The following ATRNL1 variants were observed in gnomAD, a reference collection of about 807,000 sequenced individuals.
The protein encoded by ATRNL1 is attractin-like protein 1.
In ATRNL1, 95 loss-of-function variants were observed where a neutral mutation model predicts 182.7. The ratio of observed to expected loss-of-function variants is 0.52; its 90% CI spans 0.44 to 0.62. The LOEUF is 0.62. ATRNL1 is among the 20% of genes least tolerant of loss of function. The pLI is 0.00. For missense variants in ATRNL1, 1,471 were observed against 1,679.5 expected, an observed-to-expected ratio of 0.88 and a Z score of 2.17; for synonymous variants, 576 against 568.3, an observed-to-expected ratio of 1.01 and a Z score of -0.19.
At chr10:115,350,383 CTTCTAGTGGT>C (rs1856191523) in intron 19 of ATRNL1, among the ~76,000 whole-genome samples, 1 of 125,408 alleles carries the variant, frequency 8.0e-6, no homozygotes, top group Non-Finnish European at 1.7e-5. Context: ...TCAATGTTTT[CTTCTAGTGGT>C]TTCAAAGTTT....
chr10:115,363,920 A>G (rs1423322946), intron 19 of ATRNL1, among the ~76,000 whole-genome samples: 10 of 151,676 alleles, frequency 6.6e-5, no homozygotes, highest in African/African-American at 2.4e-4. Flanking sequence ...TGGTTACTGT[A>G]GCCTTGTAGT....
intron 24 of ATRNL1, among the ~76,000 whole-genome samples, chr10:115,481,664 A>T (rs1554974220): frequency 6.6e-6 from 1 of 150,840 alleles, no homozygotes; most frequent in East Asian, 1.9e-4. Flanking sequence ...ATTAAGGCTG[A>T]ACATTTTTCT....
At chr10:115,214,695 G>T (rs1278916607) in intron 8 of ATRNL1, among the ~76,000 whole-genome samples, 1 of 152,032 alleles carries the variant, frequency 6.6e-6, no homozygotes, top group Non-Finnish European at 1.5e-5. Context: ...ACAAATGACA[G>T]ATTTTTATAT....
chr10:115,935,684 C>G (rs1953535429), intron 28 of ATRNL1, among the ~76,000 whole-genome samples: 1 of 152,014 alleles, frequency 6.6e-6, no homozygotes, highest in Non-Finnish European at 1.5e-5. Flanking sequence ...GCTTCCTGAC[C>G]CACTTCAACA....
At chr10:115,662,486 C>T (rs1408069071) in intron 26 of ATRNL1, among the ~76,000 whole-genome samples, 2 of 152,042 alleles carry the variant, frequency 1.3e-5, no homozygotes, top group African/African-American at 4.8e-5. Flanking sequence ...TAAATTTTAT[C>T]TAATTATGTT....
At chr10:115,792,577 C>G (rs1555081991) in intron 27 of ATRNL1, among the ~76,000 whole-genome samples, 1 of 151,972 alleles carries the variant, frequency 6.6e-6, no homozygotes, top group Non-Finnish European at 1.5e-5. Context: ...AGTGTTCTGC[C>G]TTTTCTCTAC....
intron 9 of ATRNL1, among the ~76,000 whole-genome samples, chr10:115,237,262 T>C (rs965893603): frequency 3.7e-4 from 57 of 152,220 alleles, no homozygotes; most frequent in Admixed American, 3.6e-3. Context: ...GTGACCACCA[T>C]GGAGTGCAAT....
chr10:115,396,823 T>G (rs1337534578), intron 20 of ATRNL1, among the ~76,000 whole-genome samples: 1 of 151,958 alleles, frequency 6.6e-6, no homozygotes, highest in Non-Finnish European at 1.5e-5. Flanking sequence ...GAATTTTAAT[T>G]CATTGAAATA....
chr10:115,479,783 G>A (rs1001420749), intron 24 of ATRNL1, among the ~76,000 whole-genome samples: 8 of 151,188 alleles, frequency 5.3e-5, no homozygotes, highest in African/African-American at 1.9e-4. Context: ...ATTAAATCTT[G>A]ATAATAAAAA....
intron 10 of ATRNL1, among the ~76,000 whole-genome samples, chr10:115,258,876 C>T (rs1851273936): frequency 6.6e-6 from 1 of 152,210 alleles, no homozygotes; most frequent in Non-Finnish European, 1.5e-5. Context: ...TCAGGTCCCT[C>T]AGCTGCAAGT....
At chr10:115,509,833 G>T (rs1170633858) in intron 24 of ATRNL1, among the ~76,000 whole-genome samples, 1 of 151,944 alleles carries the variant, frequency 6.6e-6, no homozygotes, top group East Asian at 1.9e-4. Context: ...GCTGACATAG[G>T]TGATGATTCC....
At chr10:115,386,096 G>A (rs1211059203) in intron 19 of ATRNL1, among the ~76,000 whole-genome samples, 2 of 151,894 alleles carry the variant, frequency 1.3e-5, no homozygotes, top group African/African-American at 2.4e-5. Context: ...AAAAATAGCC[G>A]GCTGGAATTG....
At position 115,709,954 on chromosome 10, in the gene ATRNL1, G is replaced by A. The variant is rs113995233; in HGVS notation, c.3796-17294G>A. Among the ~76,000 whole-genome samples, 1,063 of 152,070 alleles carry A rather than the reference G, an allele frequency of 7.0e-3. 8 individuals carry two copies. Among genetic ancestry groups the A allele is most frequent in the African/African-American group, 0.024 (977 of 41,514 alleles). On this transcript the variant is annotated intron_variant, in intron 26 of 28. Transcript: ENST00000355044. ...CTGCTATTATAAGTTAACATTTTAT[G>A]CTTTAAATCTCAATTTTCTAAGTAG...
chr10:115,121,871 A>G lies in ATRNL1; in HGVS notation c.491+59A>G, dbSNP rs574708435. 67 of 758,378 alleles carry G rather than the reference A, an allele frequency of 8.8e-5. No individual in the cohort carries two copies. In the East Asian group the frequency reaches 1.8e-3, roughly 20 times the overall value. The allele number at this position is 758,378 out of a possible 1,614,324, so 47.0% of individuals were successfully genotyped here. ...TGACTGTGTAATTGCTTCTTTAAAT[A>G]TATATTGATATGTACTGCAAAATAA... On this transcript the variant is annotated intron_variant, in intron 3 of 28. Coordinates refer to ENST00000355044, the MANE Select transcript of ATRNL1 (RefSeq NM_207303.4).
At chr10:115,630,611 C>G (rs1276681684) in intron 26 of ATRNL1, among the ~76,000 whole-genome samples, 1 of 149,966 alleles carries the variant, frequency 6.7e-6, no homozygotes, top group Admixed American at 6.7e-5. Context: ...ACCCATTTGT[C>G]CATTGATAGA....
chr10:115,469,226 A>T lies in ATRNL1; in HGVS notation c.3551A>T (p.Glu1184Val). Residue 1184 changes from glutamate to valine, a missense_variant, in exon 24 of 29, where the codon GAA (glutamate) becomes GTA (valine). This residue lies in a region of ATRNL1 where 437 missense variants were observed against 506.0 expected (regional missense o/e 0.86). Coordinates refer to ENST00000355044, the MANE Select transcript of ATRNL1 (RefSeq NM_207303.4). ...ATAGTTTCCAAGAATAATATAAAGG[A>T]ATACAGAGATAGTTTTTCCTATGAA... is the stretch of plus-strand genomic sequence containing the variant. ...TSIVSKNNIK[E>V]YRDSFSYEKF... 1 of 1,468,572 alleles carries T rather than the reference A, an allele frequency of 6.8e-7. No individual in the cohort carries two copies. Among genetic ancestry groups the T allele is most frequent in the South Asian group, 1.3e-5 (1 of 77,050 alleles). The allele number at this position is 1,468,572 out of a possible 1,614,324, so 91.0% of individuals were successfully genotyped here. A position where few individuals can be genotyped will look rare whatever the true frequency, so the allele number is the denominator to read the frequency against.
intron 17 of ATRNL1, among the ~76,000 whole-genome samples, chr10:115,304,760 G>A (rs1423545536): frequency 9.9e-5 from 15 of 152,096 alleles, no homozygotes; most frequent in African/African-American, 3.6e-4. Flanking sequence ...CACACATGGG[G>A]ATATGTGGGG....
intron 21 of ATRNL1, among the ~76,000 whole-genome samples, chr10:115,428,753 A>G (rs1846017952): frequency 6.6e-6 from 1 of 152,082 alleles, no homozygotes; most frequent in Non-Finnish European, 1.5e-5. Flanking sequence ...GTTCATGGAC[A>G]TTGGGATTTT....
intron 27 of ATRNL1, among the ~76,000 whole-genome samples, chr10:115,813,071 T>C (rs1017298229): frequency 6.6e-6 from 1 of 152,074 alleles, no homozygotes; most frequent in African/African-American, 2.4e-5. Context: ...TTTCACACTG[T>C]TAGAATGTCA....
Sources: allele counts gnomAD v4.1 joint callset (sites outside exome capture counted in the v4.1 genomes callset), GRCh38; gene constraint gnomAD v4.1.1; regional missense constraint gnomAD v4.1.1; transcripts MANE v1.5; gene names NCBI Gene and HGNC (gene_info 2026-07-23, HGNC 2026-07-21).